ROR2: variants seen among roughly 807,000 people sequenced by gnomAD.
ROR2 encodes the protein tyrosine-protein kinase transmembrane receptor ROR2.
In ROR2, 33 loss-of-function variants were observed where a neutral mutation model predicts 74.9. The observed-to-expected ratio is 0.44, with a 90% CI of 0.33 to 0.59. The LOEUF (loss-of-function observed/expected upper bound fraction) is 0.59, where lower values mean the gene tolerates loss of function less well. ROR2 is among the 20% of genes least tolerant of loss of function. The pLI, the probability that ROR2 is intolerant of heterozygous loss-of-function variation, is 0.02. For missense variants in ROR2, 1,216 were observed against 1,313.8 expected, an observed-to-expected ratio of 0.93 and a Z score of 1.15; for synonymous variants, 586 against 558.7, an observed-to-expected ratio of 1.05 and a Z score of -0.69.
intron 1 of ROR2, among the ~76,000 whole-genome samples, chr9:91,902,817 A>G (rs1036346953): frequency 7.2e-5 from 11 of 152,262 alleles, no homozygotes; most frequent in Non-Finnish European, 1.3e-4. Context: ...CAACATGGAT[A>G]AGCCTCGAAG....
chr9:91,884,024 C>A (rs1489622529), intron 1 of ROR2, among the ~76,000 whole-genome samples: 1 of 152,176 alleles, frequency 6.6e-6, no homozygotes. Context: ...CACTCACCAT[C>A]CTACCACGGA....
chr9:91,779,885 T>C (rs1378194871), intron 1 of ROR2, among the ~76,000 whole-genome samples: 1 of 152,234 alleles, frequency 6.6e-6, no homozygotes, highest in Admixed American at 6.5e-5. Flanking sequence ...GAATTGTCAT[T>C]GGCATGGAGA....
At chr9:91,770,512 C>T (rs1419790873) in intron 2 of ROR2, among the ~76,000 whole-genome samples, 2 of 152,206 alleles carry the variant, frequency 1.3e-5, no homozygotes, top group Middle Eastern at 3.2e-3. Context: ...GGCACAACAA[C>T]GTTATTGCCT....
At chr9:91,839,251 GGT>G (rs56134220) in intron 1 of ROR2, among the ~76,000 whole-genome samples, 18,331 of 107,056 alleles carry the variant, frequency 0.17, 1,242 homozygotes, top group Non-Finnish European at 0.22. Context: ...TCAGATCGGG[GGT>G]GTGTGTGTGT....
At chr9:91,822,493 T>C (rs2119152432) in intron 1 of ROR2, among the ~76,000 whole-genome samples, 1 of 152,330 alleles carries the variant, frequency 6.6e-6, no homozygotes, top group Non-Finnish European at 1.5e-5. Context: ...TGTAATACAC[T>C]GAGTTTTTAA....
At chr9:91,925,399 C>G (rs1474007492) in intron 1 of ROR2, among the ~76,000 whole-genome samples, 1 of 152,166 alleles carries the variant, frequency 6.6e-6, no homozygotes, top group African/African-American at 2.4e-5. Context: ...GCTCGGCAAG[C>G]TCTGTCCTTG....
intron 7 of ROR2, among the ~76,000 whole-genome samples, chr9:91,728,241 A>C (rs1418318668): frequency 6.6e-6 from 1 of 152,202 alleles, no homozygotes; most frequent in Non-Finnish European, 1.5e-5. Context: ...TATTTCTAAC[A>C]GTCCTCTTTC....
At chr9:91,831,037 G>A (rs183214560) in intron 1 of ROR2, among the ~76,000 whole-genome samples, 236 of 152,106 alleles carry the variant, frequency 1.6e-3, no homozygotes, top group African/African-American at 4.9e-3. Context: ...TGAGACAGGC[G>A]GATCACCTGA....
intron 1 of ROR2, among the ~76,000 whole-genome samples, chr9:91,787,690 A>G (rs1301456521): frequency 6.6e-6 from 1 of 152,216 alleles, no homozygotes; most frequent in East Asian, 1.9e-4. Context: ...AAAACACAGC[A>G]TCAACAACAA....
chr9:91,745,274 T>C (rs992176823), intron 4 of ROR2, among the ~76,000 whole-genome samples: 8 of 151,522 alleles, frequency 5.3e-5, no homozygotes, highest in African/African-American at 1.7e-4. Context: ...CACAGGCATC[T>C]GCCACCATAC....
intron 1 of ROR2, among the ~76,000 whole-genome samples, chr9:91,787,953 A>G (rs558231481): frequency 6.6e-6 from 1 of 152,368 alleles, no homozygotes; most frequent in South Asian, 2.1e-4. Context: ...ATATGTTCAA[A>G]AAAATAAAGA....
In ROR2 at chr9:91,950,006, C is replaced by T; in HGVS notation, c.-43G>A. On this transcript the variant is annotated 5_prime_UTR_variant, in exon 1 of 9. Transcript: ENST00000375708. The stretch of plus-strand genomic sequence containing the variant: ...CCGGGAAGCCCTCAGAGCTTCGGGC[C>T]GGGGCGCGGGGTCGGGCGCCACCAC... 3 of 1,097,274 alleles carry T rather than the reference C, an allele frequency of 2.7e-6. No homozygotes were observed. The highest frequency in any genetic ancestry group is 3.2e-4 in the Middle Eastern group (1 of 3,152). The allele number at this position is 1,097,274 out of a possible 1,614,324, so 68.0% of individuals were successfully genotyped here.
intron 4 of ROR2, among the ~76,000 whole-genome samples, chr9:91,749,327 T>C (rs750693962): frequency 6.6e-6 from 1 of 152,210 alleles, no homozygotes; most frequent in Non-Finnish European, 1.5e-5. Context: ...AAGTCCAACA[T>C]CAAGGTGCCA....
intron 1 of ROR2, among the ~76,000 whole-genome samples, chr9:91,876,593 G>A (rs1829961859): frequency 1.3e-5 from 2 of 152,062 alleles, no homozygotes; most frequent in Non-Finnish European, 2.9e-5. Context: ...GAGGTGCCAA[G>A]ATAAGAAAAC....
At chr9:91,775,667 C>G in intron 2 of ROR2, 74 bp downstream of exon 2, 1 of 1,434,388 alleles carries the variant, frequency 7.0e-7, no homozygotes, top group Non-Finnish European at 9.8e-7. Context: ...TTCCTTCAGG[C>G]AATGGCAGTG....
At chr9:91,726,051 A>G (rs991295912) in intron 8 of ROR2, among the ~76,000 whole-genome samples, 1 of 152,024 alleles carries the variant, frequency 6.6e-6, no homozygotes, top group Non-Finnish European at 1.5e-5. Flanking sequence ...TCAGTGCCCC[A>G]CCCCCATCTA....
intron 1 of ROR2, among the ~76,000 whole-genome samples, chr9:91,778,284 C>T (rs531401150): frequency 3.7e-4 from 56 of 152,356 alleles, no homozygotes; most frequent in African/African-American, 1.3e-3. Context: ...GGGCTATCAT[C>T]GTTCCTGACC....
intron 1 of ROR2, among the ~76,000 whole-genome samples, chr9:91,832,340 C>CT: frequency 8.6e-6 from 1 of 115,988 alleles, no homozygotes; most frequent in East Asian, 2.9e-4. Context: ...TTGGAGGAGT[C>CT]TTTGTCAACT....
At chr9:91,794,908 G>A (rs1485787406) in intron 1 of ROR2, among the ~76,000 whole-genome samples, 1 of 152,106 alleles carries the variant, frequency 6.6e-6, no homozygotes, top group African/African-American at 2.4e-5. Context: ...GATGACTTGA[G>A]GTCAAGACTT....
Sources: allele counts gnomAD v4.1 joint callset (sites outside exome capture counted in the v4.1 genomes callset), GRCh38; gene constraint gnomAD v4.1.1; transcripts MANE v1.5; gene names NCBI Gene and HGNC (gene_info 2026-07-23, HGNC 2026-07-21).